The following KIAA1217 variants were observed in gnomAD, a reference collection of about 807,000 sequenced individuals.
The protein encoded by KIAA1217 is sickle tail protein homolog.
In KIAA1217, 88 loss-of-function variants were observed where a neutral mutation model predicts 163.9. The ratio of observed to expected loss-of-function variants is 0.54; its 90% CI spans 0.45 to 0.64. The LOEUF (loss-of-function observed/expected upper bound fraction) is 0.64. KIAA1217 is among the 30% of genes least tolerant of loss of function. The pLI is 0.00. For synonymous variants in KIAA1217, 903 were observed against 923.1 expected (o/e 0.98, Z 0.39); for missense variants, 2,372 against 2,475.0 (o/e 0.96, Z 0.88).
At chr10:24,202,041 C>T (rs893194834) in intron 2 of KIAA1217, among the ~76,000 whole-genome samples, 5 of 152,206 alleles carry the variant, frequency 3.3e-5, no homozygotes, top group Non-Finnish European at 2.9e-5. Context: ...GGGTGACCCC[C>T]TCAGCTCCAG....
upstream of KIAA1217, among the ~76,000 whole-genome samples, chr10:24,206,517 G>A (rs955231253): frequency 6.6e-6 from 1 of 152,186 alleles, no homozygotes; most frequent in African/African-American, 2.4e-5. Flanking sequence ...CTGTGCTTTG[G>A]AGAAAGATAT....
chr10:23,788,844 G>A (rs951685595), intron 1 of KIAA1217, among the ~76,000 whole-genome samples: 3 of 152,114 alleles, frequency 2.0e-5, no homozygotes, highest in Admixed American at 1.3e-4. Context: ...ACGCTCAATG[G>A]CACATTTTAG....
chr10:24,323,892 T>C (rs1394571546), intron 2 of KIAA1217, among the ~76,000 whole-genome samples: 1 of 151,734 alleles, frequency 6.6e-6, no homozygotes, highest in Non-Finnish European at 1.5e-5. Flanking sequence ...AGTTAATGTA[T>C]CCTAGTTAAT....
intron 2 of KIAA1217, among the ~76,000 whole-genome samples, chr10:24,143,065 C>G (rs2064155593): frequency 6.6e-6 from 1 of 152,106 alleles, no homozygotes; most frequent in Admixed American, 6.5e-5. Flanking sequence ...TTTAAGGTTA[C>G]AAGGAGCAGA....
intron 1 of KIAA1217, among the ~76,000 whole-genome samples, chr10:23,795,737 A>G (rs887262672): frequency 6.6e-6 from 1 of 152,162 alleles, no homozygotes; most frequent in Admixed American, 6.5e-5. Flanking sequence ...TGCAAAACAA[A>G]GAGTGGTAGT....
At chr10:23,751,029 T>C (rs1012907796) in intron 1 of KIAA1217, among the ~76,000 whole-genome samples, 20 of 151,104 alleles carry the variant, frequency 1.3e-4, no homozygotes, top group Non-Finnish European at 8.8e-5. Context: ...TTGTTTGTTT[T>C]GGTTTTTGTT....
At chr10:24,091,073 T>C (rs1487050886) in intron 2 of KIAA1217, among the ~76,000 whole-genome samples, 1 of 151,938 alleles carries the variant, frequency 6.6e-6, no homozygotes, top group East Asian at 1.9e-4. Context: ...CCACAGTAAG[T>C]ACTTCTGTAT....
At chr10:23,858,662 A>C (rs944084822) in intron 1 of KIAA1217, among the ~76,000 whole-genome samples, 2 of 152,114 alleles carry the variant, frequency 1.3e-5, no homozygotes, top group African/African-American at 4.8e-5. Context: ...CGGGCTCCCC[A>C]TCAGTCCTAG....
chr10:24,326,350 C>T (rs1434627919), intron 2 of KIAA1217, among the ~76,000 whole-genome samples: 4 of 151,916 alleles, frequency 2.6e-5, no homozygotes, highest in African/African-American at 9.7e-5. Context: ...CTTCCTTGTC[C>T]CCCTCACCCT....
intron 3 of KIAA1217, among the ~76,000 whole-genome samples, chr10:24,415,592 A>C (rs1280544546): frequency 6.6e-6 from 1 of 152,056 alleles, no homozygotes; most frequent in Admixed American, 6.6e-5. Context: ...AACACAAGCC[A>C]CCAAATGACC....
intron 1 of KIAA1217, among the ~76,000 whole-genome samples, chr10:24,000,872 G>C (rs1481556200): frequency 6.6e-6 from 1 of 152,256 alleles, no homozygotes; most frequent in Non-Finnish European, 1.5e-5. Context: ...GGCACTGAGG[G>C]CAAGTGAGAG....
intron 2 of KIAA1217, chr10:24,367,197 C>T (rs947997112): frequency 8.2e-6 from 8 of 979,078 alleles, no homozygotes; most frequent in Admixed American, 1.2e-4. Context: ...ATCGTCTCAG[C>T]GAGTTAGTAC....
chr10:23,752,987 A>G (rs984431079), intron 1 of KIAA1217, among the ~76,000 whole-genome samples: 2 of 152,216 alleles, frequency 1.3e-5, no homozygotes, highest in Non-Finnish European at 2.9e-5. Context: ...CCTACCCCAA[A>G]TTCATACAAA....
chr10:24,138,441 C>T (rs2063918163), intron 2 of KIAA1217, among the ~76,000 whole-genome samples: 1 of 152,160 alleles, frequency 6.6e-6, no homozygotes, highest in African/African-American at 2.4e-5. Flanking sequence ...AGCCACTGAG[C>T]TGGCCTGTAT....
At position 24,410,933 on chromosome 10, in the gene KIAA1217, C is replaced by T. The variant is rs76485648; in HGVS notation, c.554-22062C>T. 9.8e-3 allele frequency among the ~76,000 whole-genome samples: 1,490 copies of T among 152,242 alleles called. 23 individuals are homozygous for T. Among genetic ancestry groups the T allele is most frequent in the African/African-American group, 0.033 (1,375 of 41,546 alleles). ...TCCTTCGTGCGTGTCTTCTTTTTCT[C>T]GCTTGTGAATAAGGTGTACTAAATG... On this transcript the variant is annotated intron_variant, in intron 3 of 20. Transcript: ENST00000376454.
intron 1 of KIAA1217, among the ~76,000 whole-genome samples, chr10:23,925,578 G>T (rs188931525): frequency 6.6e-6 from 1 of 152,244 alleles, no homozygotes; most frequent in East Asian, 1.9e-4. Context: ...GCTTAACAAA[G>T]TTCACTTTTA....
At chr10:24,387,998 C>T (rs944877158) in intron 3 of KIAA1217, among the ~76,000 whole-genome samples, 13 of 152,134 alleles carry the variant, frequency 8.5e-5, no homozygotes, top group African/African-American at 3.1e-4. Flanking sequence ...TTTATAGATT[C>T]AATGCCATCC....
chr10:23,982,945 G>A (rs551107293), intron 1 of KIAA1217, among the ~76,000 whole-genome samples: 1 of 152,124 alleles, frequency 6.6e-6, no homozygotes, highest in South Asian at 2.1e-4. Flanking sequence ...ATGGGTCTGT[G>A]GGTTGACCAT....
At chr10:24,346,361 A>T (rs937252218) in intron 2 of KIAA1217, among the ~76,000 whole-genome samples, 1 of 151,784 alleles carries the variant, frequency 6.6e-6, no homozygotes, top group African/African-American at 2.4e-5. Flanking sequence ...AGTCCCAGCT[A>T]CTTGGGAGGC....
Sources: allele counts gnomAD v4.1 joint callset (sites outside exome capture counted in the v4.1 genomes callset), GRCh38; gene constraint gnomAD v4.1.1; transcripts MANE v1.5; gene names NCBI Gene and HGNC (gene_info 2026-07-23, HGNC 2026-07-21).